The following TULP1 variants were observed in gnomAD, a reference collection of about 807,000 sequenced individuals.
TULP1 encodes the protein tubby-related protein 1.
In TULP1, 50 loss-of-function variants were observed where a neutral mutation model predicts 67.1. The ratio of observed to expected loss-of-function variants is 0.75; its 90% CI spans 0.59 to 0.94. The LOEUF (loss-of-function observed/expected upper bound fraction) is 0.94, where lower values mean the gene tolerates loss of function less well. TULP1 is among the 40% of genes least tolerant of loss of function. TULP1 has a pLI of 0.00. For synonymous variants in TULP1, 297 were observed against 294.0 expected (o/e 1.01, Z -0.11); for missense variants, 746 against 734.1 (o/e 1.02, Z -0.19).
At chr6:35,509,034 G>A (rs1051768419) in intron 8 of TULP1, among the ~76,000 whole-genome samples, 175 bp downstream of exon 8, 1 of 152,080 alleles carries the variant, frequency 6.6e-6, no homozygotes, top group Non-Finnish European at 1.5e-5. Context: ...CCCCACAAAC[G>A]CCTCCTCTGT....
chr6:35,504,020 A>G (rs532839785), intron 11 of TULP1, 172 bp from the exon 12 acceptor site: 40 of 589,702 alleles, frequency 6.8e-5, no homozygotes, highest in South Asian at 3.2e-4. Context: ...AGGTCTTTTT[A>G]AATGCTGGCC....
intron 8 of TULP1, among the ~76,000 whole-genome samples, chr6:35,507,934 C>A (rs922294109): frequency 3.9e-5 from 6 of 152,208 alleles, no homozygotes; most frequent in African/African-American, 1.4e-4. Context: ...CCTGCCTCAT[C>A]CTCCTAAGTA....
Position 35,511,713 on chromosome 6 carries a change from G to T in TULP1, c.284C>A (p.Pro95His). The T allele has an allele frequency of 6.3e-7, 1 of 1,592,820 alleles. No homozygotes were observed. Among genetic ancestry groups the T allele is most frequent in the East Asian group, 2.3e-5 (1 of 43,804 alleles). Residue 95 changes from proline (P) to histidine (H), a missense_variant, in exon 4 of 15, where the codon CCC (proline) becomes CAC (histidine). Around this residue, in one of 3 missense-constraint regions of TULP1, gnomAD observed 359 missense variants for 341.9 expected, o/e 1.05. Transcript: ENST00000229771. ...CCGGGGGTCGCGCTTCTTGGCCTCG[G>T]GGTCCCTGAGGAACCTGGCGTAGAC... is the stretch of plus-strand genomic sequence containing the variant. ...QTVYARFLRDPEAKKRDPRET... is the reference protein window; with the variant it reads ...QTVYARFLRDHEAKKRDPRET...
At chr6:35,504,568 T>C (rs1256884769) in intron 11 of TULP1, among the ~76,000 whole-genome samples, 1 of 152,062 alleles carries the variant, frequency 6.6e-6, no homozygotes, top group Non-Finnish European at 1.5e-5. Flanking sequence ...TTTTTTTTTC[T>C]TTATTTTTTT....
At position 35,503,774 on chromosome 6, in the gene TULP1, A is replaced by G. The variant is rs1325089896; in HGVS notation, c.1187T>C (p.Val396Ala). 1.2e-6 allele frequency: 2 copies of G among 1,613,724 alleles called. No individual in the cohort carries two copies. The highest frequency in any genetic ancestry group is 1.7e-5 in the Admixed American group (1 of 59,974). ...TGCCAGCTCCTGCCGAAGGCTTGCC[A>G]CATTAGTGCTGTACCCACGCTGTGG... ...QNPQRGYSTN[V>A]ASLRQELAAV... Residue 396 changes from valine to alanine, a missense_variant, in exon 12 of 15, where the codon GTG becomes GCG. Physicochemically the swap from Val to Ala is moderately conservative, Grantham distance 64. Coordinates refer to ENST00000229771, the MANE Select transcript of TULP1 (RefSeq NM_003322.6). This position sits in a 1 kb window ranked among gnomAD's most constrained non-coding sequence, Gnocchi z 4.0.
At chr6:35,512,112 G>C (rs373819607) in intron 3 of TULP1, 68 bp downstream of exon 3, 1 of 787,308 alleles carries the variant, frequency 1.3e-6, no homozygotes, top group Non-Finnish European at 1.6e-6. Context: ...CACCCGCGCC[G>C]GCCCTCAAGC....
chr6:35,512,259 CG>C lies in TULP1; in HGVS notation c.110del (p.Pro37ArgfsTer5). ...TCCTCTTCTTCCTTAGCCTCTGTGC[CG>C]GGGCGGGTCGCTGCGGAACGGGGGT... ...APRRPKQRPA[P>X]AQRLRKKRTE... On this transcript the variant is annotated frameshift_variant, in exon 3 of 15. Transcript: ENST00000229771. LOFTEE classifies it high-confidence loss of function. 7.1e-7 allele frequency: 1 copy of C among 1,401,198 alleles called. No homozygotes were observed. The allele number at this position is 1,401,198 out of a possible 1,614,324, so 86.8% of individuals were successfully genotyped here.
Position 35,511,763 on chromosome 6 carries a change from T to G in TULP1, c.234A>C (p.Pro78=). The G allele has an allele frequency of 6.3e-7, 1 of 1,582,126 alleles. No individual in the cohort carries two copies. The highest frequency in any genetic ancestry group is 8.6e-7 in the Non-Finnish European group (1 of 1,164,638). Residue 78 remains proline (P), a synonymous_variant, in exon 4 of 15, where the codon CCA becomes CCC. Transcript: ENST00000229771. The part of the protein sequence containing the change: ...GRPREEPSPD[P]AQARAPQTVY... ...CCGTCTGCGGCGCCCGGGCCTGGGC[T>G]GGGTCTGGGGAAGGCTCCTCCCGCG...
At chr6:35,510,708 C>T (rs1349225747) in intron 5 of TULP1, 153 bp downstream of exon 5, 8 of 1,552,642 alleles carry the variant, frequency 5.2e-6, no homozygotes, top group South Asian at 2.4e-5. Flanking sequence ...TAAGGACCAT[C>T]GTGGGGAGAA....
intron 4 of TULP1, 152 bp from the exon 5 acceptor site, chr6:35,511,162 A>C: frequency 6.7e-7 from 1 of 1,496,102 alleles, no homozygotes; most frequent in Non-Finnish European, 8.9e-7. Flanking sequence ...GCACCTTCCC[A>C]GAAGAATGAG....
At position 35,503,688 on chromosome 6, in the gene TULP1, G is replaced by A; in HGVS notation, c.1225-31C>T. On this transcript the variant is annotated intron_variant, in intron 12 of 14. Coordinates refer to ENST00000229771, the MANE Select transcript of TULP1 (RefSeq NM_003322.6). The surrounding 1 kb of genome is among the most constrained non-coding windows in gnomAD (Gnocchi z 4.0). ...AAGGAAACAGATGCCTGTGAGGCCA[G>A]CCCCTGTAAGGGGAGCAGCCTGGCA... 6.2e-7 allele frequency: 1 copy of A among 1,600,276 alleles called. No homozygotes were observed. The highest frequency in any genetic ancestry group is 8.5e-7 in the Non-Finnish European group (1 of 1,173,630).
rs73746442 is a variant in TULP1, at chr6:35,505,593, G to A, written c.1112+148C>T. 5,410 of 1,534,492 alleles carry A rather than the reference G, an allele frequency of 3.5e-3. 36 individuals carry two copies. The highest frequency in any genetic ancestry group is 0.031 in the African/African-American group (2,247 of 73,006). On this transcript the variant is annotated intron_variant, in intron 11 of 14. Transcript: ENST00000229771. ...TTAACAAGCTCCCCACATGATCTAT[G>A]TACATCAAAGCGAGAGGCCCTAGGC...
In TULP1 at chr6:35,510,904, G is replaced by A. The variant is rs202136220; in HGVS notation, c.456C>T (p.Ser152=). The change falls in exon 5 of 15, where the codon TCC becomes TCT. Residue 152 remains serine, a synonymous_variant. Coordinates refer to ENST00000229771, the MANE Select transcript of TULP1 (RefSeq NM_003322.6). ...TGGCCCTCCTCTCCTTCAGGTCTGC[G>A]GAGCTCTTCTCTCTCAGGGGCTTCT... ...PPKKPLREKS[S]ADLKERRAKA... is the part of the protein sequence containing the mutation. 6.3e-5 allele frequency: 102 copies of A among 1,613,764 alleles called. No homozygotes were observed. The Admixed American group carries it at 7.8e-4, about 12-fold the overall frequency.
At chr6:35,505,940 T>G in intron 10 of TULP1, 63 bp downstream of exon 10, 1 of 1,614,086 alleles carries the variant, frequency 6.2e-7, no homozygotes, top group Non-Finnish European at 8.5e-7. Flanking sequence ...CAGGCCCGTT[T>G]GTCCCGTGGC....
chr6:35,512,271 C>A lies in TULP1; in HGVS notation c.100-1G>T. On this transcript the variant is annotated splice_acceptor_variant, in intron 2 of 14. Transcript: ENST00000229771. LOFTEE classifies it high-confidence loss of function. The stretch of plus-strand genomic sequence containing the variant: ...TTAGCCTCTGTGCCGGGGCGGGTCG[C>A]TGCGGAACGGGGGTCAAGAGGAGGT... The A allele has an allele frequency of 7.2e-7, 1 of 1,396,284 alleles. No individual in the cohort carries two copies. Among genetic ancestry groups the A allele is most frequent in the Non-Finnish European group, 9.3e-7 (1 of 1,072,376 alleles). The allele number at this position is 1,396,284 out of a possible 1,614,324, so 86.5% of individuals were successfully genotyped here. A position where few individuals can be genotyped will look rare whatever the true frequency, so the allele number is the denominator to read the frequency against.
Position 35,498,221 on chromosome 6 carries a change from C to T in TULP1, c.*106G>A. On this transcript the variant is annotated 3_prime_UTR_variant, in exon 15 of 15. Coordinates refer to ENST00000229771, the MANE Select transcript of TULP1 (RefSeq NM_003322.6). This position sits in a 1 kb window ranked among gnomAD's most constrained non-coding sequence, Gnocchi z 6.7. ...AGGCAGTGAGAGGTCAGCCCCGACA[C>T]AGGAGCAGTTTTCCGCGGGAGCTTT... The T allele has an allele frequency of 6.6e-7, 1 of 1,517,180 alleles. No homozygotes were observed. The highest frequency in any genetic ancestry group is 8.8e-7 in the Non-Finnish European group (1 of 1,130,782). The allele number at this position is 1,517,180 out of a possible 1,614,324, so 94.0% of individuals were successfully genotyped here. A position where few individuals can be genotyped will look rare whatever the true frequency, so the allele number is the denominator to read the frequency against.
In TULP1 at chr6:35,498,114, T is replaced by A. The variant is rs528194992; in HGVS notation, c.*213A>T. The A allele has an allele frequency of 4.0e-6, 3 of 748,240 alleles. No individual in the cohort carries two copies. Among genetic ancestry groups the A allele is most frequent in the Non-Finnish European group, 6.4e-6 (3 of 472,238 alleles). The allele number at this position is 748,240 out of a possible 1,614,324, so 46.4% of individuals were successfully genotyped here. ...GATGTGCGGCTCCAACTCCAGATGT[T>A]CTTCATCTCCGTCCTACCCGCCGTC... On this transcript the variant is annotated 3_prime_UTR_variant, in exon 15 of 15. Coordinates refer to ENST00000229771, the MANE Select transcript of TULP1 (RefSeq NM_003322.6). This position sits in a 1 kb window ranked among gnomAD's most constrained non-coding sequence, Gnocchi z 6.7.
chr6:35,499,838 GGA>G lies in TULP1; in HGVS notation c.1495+141_1495+142del, dbSNP rs2150922236. The G allele has an allele frequency of 2.9e-6, 3 of 1,036,128 alleles. No homozygotes were observed. In the African/African-American group the frequency reaches 4.7e-5, roughly 16 times the overall value. The allele number at this position is 1,036,128 out of a possible 1,614,324, so 64.2% of individuals were successfully genotyped here. A position where few individuals can be genotyped will look rare whatever the true frequency, so the allele number is the denominator to read the frequency against. On this transcript the variant is annotated intron_variant, in intron 14 of 14. Transcript: ENST00000229771. ...AGAGCACAGTGTCAGTGCCTATGGA[GGA>G]GAGAGTGACCCTGTGGGATGTCCCA...
At position 35,506,176 on chromosome 6, in the gene TULP1, G is replaced by C; in HGVS notation, c.829-3C>G. On this transcript the variant is annotated splice_polypyrimidine_tract_variant and splice_region_variant and intron_variant, in intron 9 of 14. Coordinates refer to ENST00000229771, the MANE Select transcript of TULP1 (RefSeq NM_003322.6). ...GGAGACGGGGCCCTCTCCTCCTTCT[G>C]GGTGGGGGCAGAGGGTACATCAGCC... The C allele has an allele frequency of 6.2e-7, 1 of 1,613,444 alleles. No homozygotes were observed. The highest frequency in any genetic ancestry group is 8.5e-7 in the Non-Finnish European group (1 of 1,179,788).
Sources: allele counts gnomAD v4.1 joint callset (sites outside exome capture counted in the v4.1 genomes callset), GRCh38; gene constraint gnomAD v4.1.1; regional missense constraint gnomAD v4.1.1; non-coding constraint Gnocchi (gnomAD v3.1); transcripts MANE v1.5; gene names NCBI Gene and HGNC (gene_info 2026-07-23, HGNC 2026-07-21).